Variants in CFDP1 observed in about 807,000 individuals in gnomAD.
CFDP1 encodes heterochromatin-stabilizing protein CFDP1.
CFDP1 carries 31 observed loss-of-function variants against 40.1 expected under a neutral mutation model. The ratio of observed to expected loss-of-function variants is 0.77; its 90% CI spans 0.58 to 1.04. The LOEUF is 1.04. Among genes scored for constraint, CFDP1 ranks in the 50% least tolerant of loss-of-function variants. The pLI is 0.00. For missense variants in CFDP1, 423 were observed against 343.4 expected, an observed-to-expected ratio of 1.23 and a Z score of -1.83; for synonymous variants, 167 against 120.0, an observed-to-expected ratio of 1.39 and a Z score of -2.56.
chr16:75,324,105 C>G (rs888872690), intron 5 of CFDP1, among the ~76,000 whole-genome samples: 3 of 152,096 alleles, frequency 2.0e-5, no homozygotes, highest in African/African-American at 7.2e-5. Context: ...GATTTCTTAC[C>G]CTCATTTAAT....
At chr16:75,380,752 G>T (rs1053085612) in intron 5 of CFDP1, among the ~76,000 whole-genome samples, 2 of 152,072 alleles carry the variant, frequency 1.3e-5, no homozygotes, top group African/African-American at 4.8e-5. Context: ...CCAAACCAAA[G>T]AATTAACATA....
At chr16:75,430,780 T>C (rs895395786) in intron 1 of CFDP1, among the ~76,000 whole-genome samples, 7 of 152,170 alleles carry the variant, frequency 4.6e-5, no homozygotes, top group Admixed American at 2.0e-4. Context: ...AGTTTTATCA[T>C]ACAGATGAAG....
intron 5 of CFDP1, among the ~76,000 whole-genome samples, chr16:75,393,551 G>A (rs191042712): frequency 0.012 from 1,767 of 151,812 alleles, 20 homozygotes; most frequent in Middle Eastern, 0.044. Flanking sequence ...CTAACAAGGT[G>A]AAACCCCGTC....
intron 5 of CFDP1, among the ~76,000 whole-genome samples, chr16:75,390,303 C>A (rs2078936314): frequency 6.6e-6 from 1 of 152,232 alleles, no homozygotes; most frequent in South Asian, 2.1e-4. Context: ...CTCCACTGAG[C>A]CCTCTTCTCA....
intron 5 of CFDP1, among the ~76,000 whole-genome samples, chr16:75,384,882 ATATATATATATATATATT>A (rs1567665463): frequency 6.4e-5 from 2 of 31,246 alleles, no homozygotes; most frequent in African/African-American, 1.4e-4. Context: ...ATATATATAT[ATATATATATATATATATT>A]GCAGACCAGT....
At chr16:75,377,542 G>T (rs556378586) in intron 5 of CFDP1, among the ~76,000 whole-genome samples, 1 of 152,110 alleles carries the variant, frequency 6.6e-6, no homozygotes, top group South Asian at 2.1e-4. Flanking sequence ...AGTAACAAAA[G>T]AAATAAAGAA....
At chr16:75,430,165 T>G (rs987737390) in intron 1 of CFDP1, among the ~76,000 whole-genome samples, 6 of 41,996 alleles carry the variant, frequency 1.4e-4, no homozygotes, top group Admixed American at 1.3e-3. Context: ...CAGAGGTTTT[T>G]TTTGTTTGTT....
intron 5 of CFDP1, among the ~76,000 whole-genome samples, chr16:75,376,474 G>C (rs1597364883): frequency 6.6e-6 from 1 of 152,096 alleles, no homozygotes; most frequent in Non-Finnish European, 1.5e-5. Flanking sequence ...GTAGGTAAAA[G>C]AATCCAGGCA....
chr16:75,376,270 G>T (rs546815487), intron 5 of CFDP1, among the ~76,000 whole-genome samples: 2 of 151,988 alleles, frequency 1.3e-5, no homozygotes, highest in African/African-American at 2.4e-5. Flanking sequence ...CCATGACCTA[G>T]CAATTCCATT....
chr16:75,392,537 G>A (rs536544824), intron 5 of CFDP1, among the ~76,000 whole-genome samples: 2 of 152,166 alleles, frequency 1.3e-5, no homozygotes, highest in Admixed American at 6.5e-5. Flanking sequence ...TCCCTCTGTC[G>A]CCCAGGCGGG....
intron 5 of CFDP1, among the ~76,000 whole-genome samples, chr16:75,392,297 C>G (rs2078958888): frequency 1.3e-5 from 2 of 151,810 alleles, no homozygotes; most frequent in East Asian, 2.0e-4. Context: ...CCCAGCTACT[C>G]TGGAGGCTGA....
chr16:75,295,161 T>C (rs948552497), intron 6 of CFDP1, among the ~76,000 whole-genome samples: 39 of 152,226 alleles, frequency 2.6e-4, no homozygotes, highest in African/African-American at 8.0e-4. Context: ...TTCAGAAACC[T>C]GTGTTCCCCT....
At chr16:75,395,237 T>C in intron 4 of CFDP1, 28 bp from the exon 5 acceptor site, 2 of 1,609,780 alleles carry the variant, frequency 1.2e-6, no homozygotes, top group Non-Finnish European at 1.7e-6. Flanking sequence ...ACATCAAGCT[T>C]ACAAGAAGAA....
intron 5 of CFDP1, among the ~76,000 whole-genome samples, chr16:75,334,319 G>A (rs1002645374): frequency 6.6e-6 from 1 of 151,628 alleles, no homozygotes; most frequent in Admixed American, 6.6e-5. Context: ...AACAACAGAC[G>A]GGTAAAAAGG....
intron 1 of CFDP1, among the ~76,000 whole-genome samples, chr16:75,420,728 T>A (rs1399258188): frequency 6.6e-6 from 1 of 152,168 alleles, no homozygotes; most frequent in Admixed American, 6.5e-5. Flanking sequence ...GCGATGTGAG[T>A]AAATACAATT....
chr16:75,304,361 C>A (rs781471467), intron 6 of CFDP1, among the ~76,000 whole-genome samples: 1 of 152,234 alleles, frequency 6.6e-6, no homozygotes, highest in Non-Finnish European at 1.5e-5. Context: ...AACCACCATG[C>A]CTGGCCACCA....
chr16:75,348,432 A>G (rs1283882935), intron 5 of CFDP1, among the ~76,000 whole-genome samples: 1 of 152,266 alleles, frequency 6.6e-6, no homozygotes, highest in Non-Finnish European at 1.5e-5. Flanking sequence ...ATTTCAAAAT[A>G]AAATTTAAAA....
At chr16:75,398,632 T>C (rs2079019127) in intron 4 of CFDP1, among the ~76,000 whole-genome samples, 1 of 152,212 alleles carries the variant, frequency 6.6e-6, no homozygotes, top group Non-Finnish European at 1.5e-5. Flanking sequence ...AAAAGAAGTC[T>C]GGCTACTCTG....
At chr16:75,400,396 A>G (rs961746557) in intron 4 of CFDP1, among the ~76,000 whole-genome samples, 2 of 152,196 alleles carry the variant, frequency 1.3e-5, no homozygotes, top group Non-Finnish European at 2.9e-5. Flanking sequence ...GAATGGCCAA[A>G]AACAGGCAAG....
Sources: allele counts gnomAD v4.1 joint callset (sites outside exome capture counted in the v4.1 genomes callset), GRCh38; gene constraint gnomAD v4.1.1; transcripts MANE v1.5; gene names NCBI Gene and HGNC (gene_info 2026-07-23, HGNC 2026-07-21).